Variants in PLCB4 observed in about 807,000 individuals in gnomAD.
PLCB4 encodes 1-phosphatidylinositol 4,5-bisphosphate phosphodiesterase beta-4.
A neutral mutation model predicts 178.8 loss-of-function variants in PLCB4; 77 were observed. The observed-to-expected ratio is 0.43, with a 90% CI of 0.36 to 0.52. PLCB4 has a LOEUF of 0.52. Among genes scored for constraint, PLCB4 ranks in the 20% least tolerant of loss-of-function variants. The probability of loss-of-function intolerance (pLI) is 0.00; values close to 1 mark genes in which losing one functional copy is unlikely to be tolerated. For synonymous variants in PLCB4, 496 were observed against 490.8 expected (o/e 1.01, Z -0.14); for missense variants, 1,024 against 1,453.4 (o/e 0.70, Z 4.80).
At chr20:9,457,170 A>C (rs2122383391) in intron 33 of PLCB4, among the ~76,000 whole-genome samples, 1 of 152,334 alleles carries the variant, frequency 6.6e-6, no homozygotes, top group East Asian at 1.9e-4. Context: ...ACAGCCCCTT[A>C]ATGATGAAAT....
intron 2 of PLCB4, among the ~76,000 whole-genome samples, chr20:9,186,091 A>G (rs1321744506): frequency 6.6e-5 from 10 of 152,154 alleles, no homozygotes; most frequent in Non-Finnish European, 2.9e-5. Flanking sequence ...CCTCATTCAT[A>G]GTAGTGATTC....
intron 2 of PLCB4, among the ~76,000 whole-genome samples, chr20:9,191,880 G>GTTT (rs11475371): frequency 1.4e-5 from 2 of 140,726 alleles, no homozygotes; most frequent in South Asian, 2.3e-4. Flanking sequence ...CATTCTGTAT[G>GTTT]TTTTTTTTTT....
At chr20:9,302,210 A>G (rs2094713698) in intron 3 of PLCB4, among the ~76,000 whole-genome samples, 1 of 150,648 alleles carries the variant, frequency 6.6e-6, no homozygotes, top group South Asian at 2.1e-4. Flanking sequence ...GTGGGTTGGG[A>G]TTTGAGATAA....
chr20:9,162,627 A>G (rs922521784), intron 2 of PLCB4, among the ~76,000 whole-genome samples: 6 of 152,326 alleles, frequency 3.9e-5, no homozygotes, highest in African/African-American at 1.2e-4. Flanking sequence ...AGTTACGTTC[A>G]TCAATTATGT....
rs571044235 is a variant in PLCB4, at chr20:9,235,837, T to C, written c.-16+18385T>C. On this transcript the variant is annotated intron_variant, in intron 3 of 39. Transcript: ENST00000378473. ...TTGGCATCTTCACGAGTGGTCTGGA[T>C]TTTGTTATTAACTTACCTTTCCGGT... is the stretch of plus-strand genomic sequence containing the variant. Among the ~76,000 whole-genome samples the C allele has an allele frequency of 4.6e-5, 7 of 152,324 alleles. No individual in the cohort carries two copies. The South Asian group carries it at 1.5e-3, about 32-fold the overall frequency.
At chr20:9,184,951 C>T (rs528744806) in intron 2 of PLCB4, among the ~76,000 whole-genome samples, 1 of 152,322 alleles carries the variant, frequency 6.6e-6, no homozygotes, top group Admixed American at 6.5e-5. Context: ...CAGGGTCTCA[C>T]TCTGTCAGCC....
At chr20:9,419,071 GT>G (rs201509326) in intron 25 of PLCB4, among the ~76,000 whole-genome samples, 4 of 151,014 alleles carry the variant, frequency 2.6e-5, no homozygotes, top group South Asian at 2.1e-4. Flanking sequence ...ATTCCTTAGA[GT>G]TTTTTTTTAT....
At chr20:9,191,789 C>T (rs1033862935) in intron 2 of PLCB4, among the ~76,000 whole-genome samples, 2 of 152,116 alleles carry the variant, frequency 1.3e-5, no homozygotes, top group Admixed American at 6.5e-5. Context: ...CTCACAGGTA[C>T]AGGTGGTGCT....
At chr20:9,095,475 T>A (rs1387963368) in intron 1 of PLCB4, among the ~76,000 whole-genome samples, 5 of 152,196 alleles carry the variant, frequency 3.3e-5, no homozygotes, top group Admixed American at 6.6e-5. Context: ...ATCCCATGGG[T>A]CATTTTAATT....
intron 1 of PLCB4, among the ~76,000 whole-genome samples, chr20:9,085,052 C>CAAAAA (rs11474540): frequency 2.4e-5 from 1 of 41,376 alleles, no homozygotes; most frequent in South Asian, 7.3e-4. Flanking sequence ...GACTCCATCT[C>CAAAAA]AAAAAAAAAA....
chr20:9,361,091 C>A (rs1036865463), intron 7 of PLCB4, among the ~76,000 whole-genome samples: 6 of 152,048 alleles, frequency 3.9e-5, no homozygotes, highest in African/African-American at 1.4e-4. Context: ...AATGGTATGG[C>A]CACGATGAAA....
intron 2 of PLCB4, among the ~76,000 whole-genome samples, chr20:9,166,067 C>T (rs2147006210): frequency 6.6e-6 from 1 of 152,180 alleles, no homozygotes; most frequent in Non-Finnish European, 1.5e-5. Flanking sequence ...GTAAAAGATG[C>T]CAGCCCAACT....
At chr20:9,261,983 T>C (rs961855161) in intron 3 of PLCB4, among the ~76,000 whole-genome samples, 2 of 152,210 alleles carry the variant, frequency 1.3e-5, no homozygotes, top group African/African-American at 4.8e-5. Context: ...CTTTAACTAA[T>C]GACTCATTTG....
At position 9,480,608 on chromosome 20, in the gene PLCB4, C is replaced by T. The variant is rs2044810875; in HGVS notation, c.*1599C>T. 6.6e-6 allele frequency: 1 copy of T among 152,116 alleles called. No homozygotes were observed. Among genetic ancestry groups the T allele is most frequent in the Non-Finnish European group, 1.5e-5 (1 of 68,004 alleles). The allele number at this position is 152,116 out of a possible 1,614,324, so 9.4% of individuals were successfully genotyped here. ...CAGCATGTTTTTCACCCAAATGATG[C>T]AAAACATGCAGATTCTAGTTGACTT... On this transcript the variant is annotated 3_prime_UTR_variant, in exon 40 of 40. Coordinates refer to ENST00000378473, the MANE Select transcript of PLCB4 (RefSeq NM_001377142.1).
chr20:9,463,291 G>A (rs969392713), intron 35 of PLCB4, among the ~76,000 whole-genome samples: 14 of 151,976 alleles, frequency 9.2e-5, no homozygotes, highest in African/African-American at 1.9e-4. Context: ...AGAAACAACC[G>A]GTACCAGCCA....
chr20:9,420,835 A>G (rs900026870), intron 26 of PLCB4, among the ~76,000 whole-genome samples: 2 of 152,202 alleles, frequency 1.3e-5, no homozygotes, highest in Non-Finnish European at 2.9e-5. Context: ...ACCAGTGTCA[A>G]TATCAGTAAT....
chr20:9,344,985 G>A (rs1270693273), intron 7 of PLCB4, among the ~76,000 whole-genome samples: 7 of 152,074 alleles, frequency 4.6e-5, no homozygotes, highest in Admixed American at 1.3e-4. Flanking sequence ...ACATCATAAA[G>A]CTTAAAACAG....
chr20:9,115,735 C>T (rs1397120330), intron 2 of PLCB4, among the ~76,000 whole-genome samples: 1 of 151,720 alleles, frequency 6.6e-6, no homozygotes, highest in Non-Finnish European at 1.5e-5. Context: ...TGAATTTATT[C>T]ATTTAATTTG....
intron 2 of PLCB4, among the ~76,000 whole-genome samples, chr20:9,185,710 T>G (rs1275952634): frequency 6.6e-6 from 1 of 152,100 alleles, no homozygotes; most frequent in Non-Finnish European, 1.5e-5. Context: ...GTGATCTGAC[T>G]CCTTTTTGCG....
Sources: allele counts gnomAD v4.1 joint callset (sites outside exome capture counted in the v4.1 genomes callset), GRCh38; gene constraint gnomAD v4.1.1; transcripts MANE v1.5; gene names NCBI Gene and HGNC (gene_info 2026-07-23, HGNC 2026-07-21).